The following CALN1 variants were observed in gnomAD, a reference collection of about 807,000 sequenced individuals.
CALN1 encodes calneuron 1, also known as calcium-binding protein 8.
CALN1 carries 17 observed loss-of-function variants against 30.6 expected under a neutral mutation model. That is an observed-to-expected ratio of 0.56 (90% CI 0.38 to 0.83). CALN1 has a LOEUF of 0.83. CALN1 is among the 40% of genes least tolerant of loss of function. The probability of loss-of-function intolerance (pLI) is 0.00; values close to 1 mark genes in which losing one functional copy is unlikely to be tolerated. For synonymous variants in CALN1, 156 were observed against 131.4 expected (o/e 1.19, Z -1.28); for missense variants, 291 against 354.9 (o/e 0.82, Z 1.45).
chr7:72,209,326 CTCTTTCCTTCCCTCTT>C (rs1792186388), intron 3 of CALN1, among the ~76,000 whole-genome samples: 6 of 3,904 alleles, frequency 1.5e-3, no homozygotes, highest in African/African-American at 5.2e-3. Context: ...CCCTCCTTCC[CTCTTTCCTTCCCTCTT>C]TCCTTCCCTC....
At chr7:71,838,232 A>C (rs1789735665) in intron 5 of CALN1, among the ~76,000 whole-genome samples, 1 of 152,246 alleles carries the variant, frequency 6.6e-6, no homozygotes, top group Admixed American at 6.5e-5. Context: ...TGAAAAAATG[A>C]AAAATGCCTG....
chr7:72,009,435 TTAA>T (rs1799948844), intron 5 of CALN1, among the ~76,000 whole-genome samples: 3 of 152,226 alleles, frequency 2.0e-5, no homozygotes, highest in Non-Finnish European at 4.4e-5. Flanking sequence ...CAAAAATGAT[TTAA>T]TAATAGGAAA....
chr7:72,038,665 G>T (rs900687561), intron 4 of CALN1, among the ~76,000 whole-genome samples: 3 of 152,188 alleles, frequency 2.0e-5, no homozygotes, highest in African/African-American at 7.2e-5. Flanking sequence ...TAAAGACCTT[G>T]CTGATAAAAC....
At chr7:72,500,725 T>G in the CALN1 span, among the ~76,000 whole-genome samples, 2 of 152,124 alleles carry the variant, frequency 1.3e-5, no homozygotes, top group African/African-American at 4.8e-5. Flanking sequence ...AAACATACAC[T>G]CAAAATTCTG....
intron 4 of CALN1, among the ~76,000 whole-genome samples, chr7:72,070,789 G>C (rs1232993515): frequency 6.6e-6 from 1 of 152,120 alleles, no homozygotes; most frequent in Non-Finnish European, 1.5e-5. Context: ...AGTCTGAAGG[G>C]ACCAAACTTT....
At chr7:72,378,437 A>C (rs1804692477) in intron 2 of CALN1, among the ~76,000 whole-genome samples, 1 of 152,188 alleles carries the variant, frequency 6.6e-6, no homozygotes, top group South Asian at 2.1e-4. Flanking sequence ...GAGTTCCAAC[A>C]AGTTGATTCT....
the CALN1 span, among the ~76,000 whole-genome samples, chr7:72,462,021 G>GA: frequency 0.13 from 17,980 of 139,520 alleles, 2,130 homozygotes; most frequent in African/African-American, 0.32. Context: ...AAGAAAGAAA[G>GA]AAAAAAAAAA....
chr7:72,500,269 CTTTTTTT>C, the CALN1 span, among the ~76,000 whole-genome samples: 11 of 51,364 alleles, frequency 2.1e-4, no homozygotes, highest in Admixed American at 3.1e-4. Context: ...TTCGTTCCTT[CTTTTTTT>C]TTTTTTTTTT....
chr7:72,198,294 T>C (rs1224917098), intron 3 of CALN1, among the ~76,000 whole-genome samples: 1 of 152,234 alleles, frequency 6.6e-6, no homozygotes. Context: ...TAAAAAACTA[T>C]ACACCTTCAT....
intron 3 of CALN1, among the ~76,000 whole-genome samples, chr7:72,159,274 G>A (rs1243583686): frequency 6.6e-6 from 1 of 152,180 alleles, no homozygotes; most frequent in African/African-American, 2.4e-5. Context: ...GCAATGCTAG[G>A]ACACTTGTGG....
intron 2 of CALN1, among the ~76,000 whole-genome samples, chr7:72,280,654 T>C (rs1797671510): frequency 6.6e-6 from 1 of 152,182 alleles, no homozygotes; most frequent in African/African-American, 2.4e-5. Context: ...CTGTGTGTCA[T>C]GGTCATTTGA....
rs112347189 is a variant in CALN1 at position 72,261,221 on chromosome 7, T to C, written c.244+17465A>G. Among the ~76,000 whole-genome samples the C allele has an allele frequency of 1.2e-3, 183 of 152,102 alleles. 1 individual carries two copies. Among genetic ancestry groups the C allele is most frequent in the African/African-American group, 4.2e-3 (175 of 41,512 alleles). On this transcript the variant is annotated intron_variant, in intron 3 of 6. Transcript: ENST00000395275. ...TACTCGGGAGGCTGAGGCAGGAGAA[T>C]TGCTTGAACCTGGGAGGCAGAGGTT...
intron 3 of CALN1, among the ~76,000 whole-genome samples, chr7:72,202,082 T>C (rs980492566): frequency 1.3e-5 from 2 of 152,032 alleles, no homozygotes; most frequent in Non-Finnish European, 2.9e-5. Flanking sequence ...ACATCTATAG[T>C]GAGAGAGCCT....
intron 5 of CALN1, among the ~76,000 whole-genome samples, chr7:72,009,329 A>C (rs1466488556): frequency 4.6e-5 from 7 of 152,248 alleles, no homozygotes; most frequent in Non-Finnish European, 1.0e-4. Flanking sequence ...TGAATAAAAA[A>C]TAAAAATGGC....
chr7:72,097,130 A>AG (rs1806289735), intron 4 of CALN1, among the ~76,000 whole-genome samples: 5 of 150,414 alleles, frequency 3.3e-5, no homozygotes, highest in Middle Eastern at 3.4e-3. Flanking sequence ...GGACACAGGA[A>AG]GGGGAATATC....
At chr7:72,287,403 T>A (rs1379685030) in intron 2 of CALN1, among the ~76,000 whole-genome samples, 3 of 151,346 alleles carry the variant, frequency 2.0e-5, no homozygotes, top group Non-Finnish European at 4.4e-5. Flanking sequence ...ATTTCTGAGA[T>A]CTATCTAAAT....
intron 3 of CALN1, among the ~76,000 whole-genome samples, chr7:72,260,620 A>G (rs753269552): frequency 1.3e-5 from 2 of 152,182 alleles, no homozygotes; most frequent in Non-Finnish European, 2.9e-5. Context: ...TAAAGGGAGT[A>G]GCACAAAACC....
chr7:72,428,659 T>C (rs1189704656), intron 1 of CALN1, among the ~76,000 whole-genome samples: 2 of 152,160 alleles, frequency 1.3e-5, no homozygotes, highest in African/African-American at 2.4e-5. Flanking sequence ...AGTCTTACTA[T>C]CAAGAAATCA....
intron 3 of CALN1, among the ~76,000 whole-genome samples, chr7:72,167,836 T>C (rs1327301714): frequency 6.6e-6 from 1 of 152,158 alleles, no homozygotes; most frequent in African/African-American, 2.4e-5. Flanking sequence ...TTTGTAACAA[T>C]TCATGGAATA....
Sources: allele counts gnomAD v4.1 joint callset (sites outside exome capture counted in the v4.1 genomes callset), GRCh38; gene constraint gnomAD v4.1.1; transcripts MANE v1.5; gene names NCBI Gene and HGNC (gene_info 2026-07-23, HGNC 2026-07-21).